TASP1: variants seen among roughly 807,000 people sequenced by gnomAD.
The protein encoded by TASP1 is taspase 1.
TASP1 carries 16 observed loss-of-function variants against 56.6 expected under a neutral mutation model. The observed-to-expected ratio is 0.28, with a 90% CI of 0.19 to 0.43. The LOEUF (loss-of-function observed/expected upper bound fraction) is 0.43. Ranked by LOEUF, TASP1 falls within the 20% of genes least tolerant of loss-of-function variation. TASP1 has a pLI of 1.00. For synonymous variants in TASP1, 179 were observed against 184.2 expected, an observed-to-expected ratio of 0.97 and a Z score of 0.23; for missense variants, 393 against 511.6, an observed-to-expected ratio of 0.77 and a Z score of 2.24.
chr20:13,310,647 G>A, the TASP1 span, among the ~76,000 whole-genome samples: 2 of 152,280 alleles, frequency 1.3e-5, no homozygotes, highest in Non-Finnish European at 2.9e-5. Context: ...TATGGGCTGA[G>A]AGAAAATACT....
chr20:13,359,778 T>C, the TASP1 span, among the ~76,000 whole-genome samples: 1 of 151,800 alleles, frequency 6.6e-6, no homozygotes, highest in Non-Finnish European at 1.5e-5. Context: ...GGACTACAGC[T>C]ATATCTCATT....
chr20:13,394,307 C>CAAAAAA (rs57418361), intron 13 of TASP1, among the ~76,000 whole-genome samples: 20 of 42,948 alleles, frequency 4.7e-4, no homozygotes, highest in Non-Finnish European at 7.1e-4. Flanking sequence ...CACTCCCTCT[C>CAAAAAA]AAAAAAAAAA....
chr20:13,362,342 T>G, the TASP1 span, among the ~76,000 whole-genome samples: 4 of 151,482 alleles, frequency 2.6e-5, no homozygotes, highest in East Asian at 1.9e-4. Flanking sequence ...GGAGTGAATA[T>G]GCCCTGCCCC....
the TASP1 span, among the ~76,000 whole-genome samples, chr20:13,130,926 T>C: frequency 6.6e-6 from 1 of 152,226 alleles, no homozygotes; most frequent in Non-Finnish European, 1.5e-5. Context: ...CCAATGTTTA[T>C]GCTAAATAAG....
intron 11 of TASP1, among the ~76,000 whole-genome samples, chr20:13,477,874 A>G (rs910070706): frequency 4.6e-5 from 7 of 152,136 alleles, no homozygotes; most frequent in African/African-American, 1.7e-4. Context: ...TATGCTTCCA[A>G]TATTAAGTCA....
At chr20:13,406,068 T>C (rs1488209763) in intron 13 of TASP1, among the ~76,000 whole-genome samples, 2 of 152,198 alleles carry the variant, frequency 1.3e-5, no homozygotes, top group Non-Finnish European at 2.9e-5. Context: ...AACACTGCCT[T>C]GATTATAGTA....
At chr20:13,607,921 C>T (rs2048215740) in intron 4 of TASP1, among the ~76,000 whole-genome samples, 1 of 152,062 alleles carries the variant, frequency 6.6e-6, no homozygotes, top group Admixed American at 6.6e-5. Context: ...CTTTAGTGAG[C>T]CAAGACTGTA....
the TASP1 span, chr20:13,160,261 G>A: frequency 2.6e-6 from 3 of 1,147,324 alleles, no homozygotes; most frequent in Non-Finnish European, 2.3e-6. Context: ...ACTGACAAAA[G>A]TCACTGCCAA....
At chr20:13,439,081 T>C (rs1395544457) in intron 11 of TASP1, among the ~76,000 whole-genome samples, 2 of 152,160 alleles carry the variant, frequency 1.3e-5, no homozygotes, top group East Asian at 3.9e-4. Context: ...GTTCAACCAT[T>C]GTGGAAGTCA....
At chr20:13,527,613 C>G (rs566818192) in intron 10 of TASP1, among the ~76,000 whole-genome samples, 4 of 152,032 alleles carry the variant, frequency 2.6e-5, no homozygotes, top group Non-Finnish European at 5.9e-5. Flanking sequence ...TGCACACACG[C>G]ACGCACGCAC....
At chr20:13,167,256 T>A in the TASP1 span, 1 of 152,216 alleles carries the variant, frequency 6.6e-6, no homozygotes, top group Non-Finnish European at 1.5e-5. Flanking sequence ...TGATTTTAAT[T>A]CATGATTTTA....
chr20:13,360,284 T>C, the TASP1 span, among the ~76,000 whole-genome samples: 3 of 150,292 alleles, frequency 2.0e-5, no homozygotes, highest in Non-Finnish European at 4.4e-5. Flanking sequence ...CCCATCAAGC[T>C]CAGCAAATTA....
At chr20:13,450,883 T>A (rs2043592875) in intron 11 of TASP1, among the ~76,000 whole-genome samples, 1 of 152,106 alleles carries the variant, frequency 6.6e-6, no homozygotes, top group African/African-American at 2.4e-5. Context: ...GAAGGTTTTC[T>A]AAAGGTTTTT....
the TASP1 span, among the ~76,000 whole-genome samples, chr20:13,159,739 A>G: frequency 1.3e-5 from 2 of 152,282 alleles, no homozygotes; most frequent in East Asian, 3.9e-4. Context: ...CAAAGACTCA[A>G]TATCCACAAT....
chr20:13,338,318 T>C, the TASP1 span, among the ~76,000 whole-genome samples: 1 of 152,118 alleles, frequency 6.6e-6, no homozygotes, highest in African/African-American at 2.4e-5. Context: ...TAATGAGCAG[T>C]GAGGAAGACC....
the TASP1 span, among the ~76,000 whole-genome samples, chr20:13,281,284 A>G: frequency 6.6e-6 from 1 of 152,220 alleles, no homozygotes; most frequent in African/African-American, 2.4e-5. Flanking sequence ...GTAGAGATGT[A>G]CATCAAATGC....
At chr20:13,501,946 A>T (rs1427786209) in intron 10 of TASP1, among the ~76,000 whole-genome samples, 1 of 152,046 alleles carries the variant, frequency 6.6e-6, no homozygotes, top group East Asian at 1.9e-4. Context: ...ATTTTATGAT[A>T]AAAGTGTCAA....
In TASP1 at chr20:13,603,505, A is replaced by G. The variant is rs1290874828; in HGVS notation, c.283-16135T>C. On this transcript the variant is annotated intron_variant, in intron 4 of 13. Coordinates refer to ENST00000337743, the MANE Select transcript of TASP1 (RefSeq NM_017714.3). ...TGCAGTGAGCCATGATCATGCCACC[A>G]CTCTCCAGCTTGGGAAACACAACAA... Among the ~76,000 whole-genome samples the G allele has an allele frequency of 3.9e-5, 6 of 152,124 alleles. No homozygotes were observed. In the East Asian group the frequency reaches 1.2e-3, roughly 29 times the overall value.
intron 12 of TASP1, among the ~76,000 whole-genome samples, chr20:13,422,575 C>T (rs2042481961): frequency 6.6e-6 from 1 of 152,136 alleles, no homozygotes; most frequent in Non-Finnish European, 1.5e-5. Context: ...ATAATTTCTG[C>T]CTAAATGAAG....
Sources: allele counts gnomAD v4.1 joint callset (sites outside exome capture counted in the v4.1 genomes callset), GRCh38; gene constraint gnomAD v4.1.1; transcripts MANE v1.5; gene names NCBI Gene and HGNC (gene_info 2026-07-23, HGNC 2026-07-21).